Variants in MAPK10 observed in about 807,000 individuals in gnomAD.
MAPK10 encodes the protein JNK3 alpha protein kinase.
In MAPK10, 25 loss-of-function variants were observed where a neutral mutation model predicts 59.3. That is an observed-to-expected ratio of 0.42 (90% confidence interval 0.31 to 0.59). The LOEUF (loss-of-function observed/expected upper bound fraction) is 0.59. MAPK10 is among the 20% of genes least tolerant of loss of function. The probability of loss-of-function intolerance (pLI) is 0.15; values close to 1 mark genes in which losing one functional copy is unlikely to be tolerated. For missense variants in MAPK10, 351 were observed against 568.9 expected (o/e 0.62, Z 3.90); for synonymous variants, 190 against 200.5 (o/e 0.95, Z 0.44).
chr4:86,067,799 G>A lies in MAPK10; in HGVS notation c.959C>T (p.Ala320Val), dbSNP rs757125320. 7 of 1,612,904 alleles carry A rather than the reference G, an allele frequency of 4.3e-6. No individual in the cohort carries two copies. The Admixed American group carries it at 5.0e-5, about 12-fold the overall frequency. ...TTTGAGTTTATTGTGCTCGGAGTCC[G>A]CTGGGAAGAGGGAATCTGGGAAGAG... ...PKLFPDSLFP[A>V]DSEHNKLKAS... The change falls in exon 10 of 14, where the codon GCG becomes GTG. Residue 320 changes from alanine (A) to valine (V), a missense_variant. Physicochemically the swap from Ala to Val is moderately conservative, Grantham distance 64. Coordinates refer to ENST00000641462, the MANE Select transcript of MAPK10 (RefSeq NM_138982.4).
chr4:86,078,329 G>A (rs2049927331), intron 9 of MAPK10, among the ~76,000 whole-genome samples: 1 of 152,142 alleles, frequency 6.6e-6, no homozygotes, highest in African/African-American at 2.4e-5. Flanking sequence ...AGAATACTCA[G>A]AGAAAGAAAA....
At chr4:86,433,685 T>C (rs951518260) in intron 1 of MAPK10, among the ~76,000 whole-genome samples, 12 of 150,556 alleles carry the variant, frequency 8.0e-5, no homozygotes, top group Non-Finnish European at 1.6e-4. Flanking sequence ...AATACAGGCA[T>C]GAACTATCGC....
intron 3 of MAPK10, chr4:86,176,060 T>G (rs2075622926): frequency 6.6e-6 from 1 of 152,176 alleles, no homozygotes; most frequent in Non-Finnish European, 1.5e-5. Context: ...AGAACCAAAG[T>G]GGACATTCTT....
chr4:86,140,678 T>C (rs1490686531), intron 4 of MAPK10, among the ~76,000 whole-genome samples: 1 of 151,018 alleles, frequency 6.6e-6, no homozygotes, highest in Non-Finnish European at 1.5e-5. Flanking sequence ...AAACTTAAAG[T>C]ATAATAATAA....
Position 86,214,987 on chromosome 4 carries a change from A to G in MAPK10, c.-6-20580T>C, listed in dbSNP as rs559822189. ...CTTGAAAAAAGAACAAAACGGAAGG[A>G]CCCACACTTCCTGATTTCAAAACCT... On this transcript the variant is annotated intron_variant, in intron 2 of 13. Transcript: ENST00000641462. Among the ~76,000 whole-genome samples, 14 of 152,292 alleles carry G rather than the reference A, an allele frequency of 9.2e-5. No homozygotes were observed. The Middle Eastern group carries it at 0.01, about 111-fold the overall frequency.
At chr4:86,220,307 A>T (rs796203980) in intron 2 of MAPK10, among the ~76,000 whole-genome samples, 13 of 152,276 alleles carry the variant, frequency 8.5e-5, no homozygotes, top group African/African-American at 2.2e-4. Context: ...TATGAGAGTT[A>T]CTCATGCTAA....
At chr4:86,380,206 G>C (rs1740472695) in intron 1 of MAPK10, among the ~76,000 whole-genome samples, 1 of 152,002 alleles carries the variant, frequency 6.6e-6, no homozygotes, top group African/African-American at 2.4e-5. Context: ...TGGGTGACAA[G>C]AGTGAAACTC....
chr4:86,229,597 T>G lies in MAPK10; in HGVS notation c.-6-35190A>C, dbSNP rs1043721385. Among the ~76,000 whole-genome samples the G allele has an allele frequency of 3.9e-5, 6 of 152,264 alleles. No homozygotes were observed. The Middle Eastern group carries it at 0.017, about 432-fold the overall frequency. On this transcript the variant is annotated intron_variant, in intron 2 of 13. Coordinates refer to ENST00000641462, the MANE Select transcript of MAPK10 (RefSeq NM_138982.4). Reference sequence around the variant, plus strand: ...TTATGAAGGAAATTAACATCCTTAATGGTTAACTAAAAATGCAGGAAAACA... The same window carrying G: ...TTATGAAGGAAATTAACATCCTTAAGGGTTAACTAAAAATGCAGGAAAACA...
At chr4:86,207,922 G>C (rs1457541948) in intron 2 of MAPK10, among the ~76,000 whole-genome samples, 1 of 152,080 alleles carries the variant, frequency 6.6e-6, no homozygotes, top group Admixed American at 6.6e-5. Context: ...TGCTGAAGTT[G>C]CTTATCAGCT....
intron 1 of MAPK10, among the ~76,000 whole-genome samples, chr4:86,445,049 C>A (rs986197541): frequency 6.6e-6 from 1 of 152,118 alleles, no homozygotes; most frequent in South Asian, 2.1e-4. Flanking sequence ...TATCATTTGA[C>A]CCAGCAATCT....
chr4:86,136,978 G>A (rs2062330435), intron 4 of MAPK10, among the ~76,000 whole-genome samples: 1 of 152,124 alleles, frequency 6.6e-6, no homozygotes, highest in African/African-American at 2.4e-5. Context: ...TCAACAAGAA[G>A]AGCTAACTAT....
intron 2 of MAPK10, among the ~76,000 whole-genome samples, chr4:86,259,457 T>C (rs1383576956): frequency 6.6e-6 from 1 of 152,096 alleles, no homozygotes; most frequent in East Asian, 1.9e-4. Flanking sequence ...GTACTATTTC[T>C]AAGTTAAATA....
At chr4:86,143,197 C>A (rs1324613123) in intron 4 of MAPK10, among the ~76,000 whole-genome samples, 1 of 152,166 alleles carries the variant, frequency 6.6e-6, no homozygotes, top group African/African-American at 2.4e-5. Context: ...GACTTAATCA[C>A]TATCACAAGA....
upstream of MAPK10, among the ~76,000 whole-genome samples, chr4:86,363,014 TATA>T (rs1300343377): frequency 1.3e-5 from 2 of 152,128 alleles, no homozygotes; most frequent in African/African-American, 4.8e-5. Flanking sequence ...TAGCTTTGCT[TATA>T]ATAAGCAAAA....
chr4:86,565,607 A>G (rs1382466579), intron 1 of MAPK10, among the ~76,000 whole-genome samples: 3 of 152,248 alleles, frequency 2.0e-5, no homozygotes, highest in African/African-American at 7.2e-5. Flanking sequence ...GAGCACAATG[A>G]AAAAGTATGC....
intron 2 of MAPK10, among the ~76,000 whole-genome samples, chr4:86,218,733 G>T (rs1039338292): frequency 6.6e-6 from 1 of 152,106 alleles, no homozygotes. Context: ...TCCTGGAGAG[G>T]TGCTGAACTT....
chr4:86,490,277 A>G (rs963338703), intron 1 of MAPK10, among the ~76,000 whole-genome samples: 1 of 152,122 alleles, frequency 6.6e-6, no homozygotes, highest in African/African-American at 2.4e-5. Flanking sequence ...CCTAAGGGAA[A>G]GGAATTAAGT....
chr4:86,594,063 G>A (rs572314732), exon 1 of MAPK10: 1 of 152,422 alleles, frequency 6.6e-6, no homozygotes, highest in South Asian at 2.1e-4. Flanking sequence ...TCACCAACCT[G>A]AGCCTCTGGC....
At chr4:86,397,844 A>T (rs1489167305) in intron 1 of MAPK10, among the ~76,000 whole-genome samples, 2 of 146,746 alleles carry the variant, frequency 1.4e-5, no homozygotes, top group African/African-American at 2.6e-5. Flanking sequence ...ATCATTACGT[A>T]AGCTCTGAAT....
Sources: gnomAD v4.1 joint callset for allele counts (sites outside exome capture counted in the v4.1 genomes callset) on GRCh38, gnomAD v4.1.1 for gene constraint, MANE v1.5 for transcripts, NCBI Gene and HGNC (gene_info 2026-07-23, HGNC 2026-07-21) for gene names.